WNT11: variants seen among roughly 807,000 people sequenced by gnomAD.
WNT11 encodes Wnt family member 11, also known as protein Wnt-11.
WNT11 carries 20 observed loss-of-function variants against 35.6 expected under a neutral mutation model. The observed-to-expected ratio is 0.56, with a 90% CI of 0.40 to 0.82. The LOEUF (loss-of-function observed/expected upper bound fraction) is 0.82, where lower values mean the gene tolerates loss of function less well. Ranked by LOEUF, WNT11 falls within the 40% of genes least tolerant of loss-of-function variation. The pLI is 0.00. For synonymous variants in WNT11, 200 were observed against 211.9 expected (o/e 0.94, Z 0.49); for missense variants, 459 against 504.4 (o/e 0.91, Z 0.86).
chr11:76,205,223 C>T (rs1173767478), intron 1 of WNT11, among the ~76,000 whole-genome samples: 2 of 152,172 alleles, frequency 1.3e-5, no homozygotes, highest in African/African-American at 2.4e-5. Context: ...TGTTTGCTGG[C>T]GGCGCAGCCA....
chr11:76,193,166 G>A (rs1432879520), intron 3 of WNT11, among the ~76,000 whole-genome samples: 2 of 152,254 alleles, frequency 1.3e-5, no homozygotes, highest in Non-Finnish European at 2.9e-5. Context: ...AGGTTCTGCT[G>A]CTCAGCATAA....
upstream of WNT11, among the ~76,000 whole-genome samples, chr11:76,207,722 G>T (rs1002525109): frequency 2.0e-5 from 3 of 152,216 alleles, no homozygotes; most frequent in African/African-American, 7.2e-5. Context: ...GGGGAAGCTC[G>T]CGGGGCTGGC....
chr11:76,196,521 A>G lies in WNT11; in HGVS notation c.281T>C (p.Ile94Thr), dbSNP rs767132569. The G allele has an allele frequency of 6.8e-6, 11 of 1,613,532 alleles. No individual in the cohort carries two copies. The highest frequency in any genetic ancestry group is 6.7e-5 in the East Asian group (3 of 44,872). ...FADMRWNCSSIELAPNYLLDL... is the reference protein window; with the variant it reads ...FADMRWNCSSTELAPNYLLDL... The stretch of plus-strand genomic sequence containing the variant: ...AAGCAAATAGTTGGGGGCGAGCTCA[A>G]TGGAGGAGCAGTTCCAGCGCATGTC... The change falls in exon 2 of 5, where the codon ATT becomes ACT. Residue 94 changes from isoleucine to threonine, a missense_variant. Coordinates refer to ENST00000322563, the MANE Select transcript of WNT11 (RefSeq NM_004626.3).
intron 4 of WNT11, 80 bp from the exon 5 acceptor site, chr11:76,187,319 C>T: frequency 3.1e-5 from 42 of 1,358,776 alleles, no homozygotes; most frequent in South Asian, 1.2e-4. Context: ...AGCCAGGCAG[C>T]CGGCAGCGTC....
intron 4 of WNT11, among the ~76,000 whole-genome samples, chr11:76,187,908 C>CA (rs1410684756): frequency 6.6e-6 from 1 of 152,208 alleles, no homozygotes; most frequent in Non-Finnish European, 1.5e-5. Flanking sequence ...CGCTCTGTTG[C>CA]CCAGGCTGGA....
chr11:76,193,658 C>T (rs985512362), intron 3 of WNT11, among the ~76,000 whole-genome samples: 6 of 152,228 alleles, frequency 3.9e-5, no homozygotes, highest in Non-Finnish European at 7.3e-5. Context: ...GGTGAGGCCA[C>T]TGAAGCCCCT....
Position 76,193,400 on chromosome 11 carries a change from A to ATGGTGGGCGTGGCCATGG in WNT11, c.597+1149_597+1166dup, listed in dbSNP as rs574083118. On this transcript the variant is annotated intron_variant, in intron 3 of 4. Coordinates refer to ENST00000322563, the MANE Select transcript of WNT11 (RefSeq NM_004626.3). ...GTGGCGCCCAGCTGGCCTGGCCATGATGGTGGGCGTGGCCATGGTGGTGGG... is the reference window on the plus strand; with the variant it reads ...GTGGCGCCCAGCTGGCCTGGCCATGATGGTGGGCGTGGCCATGGTGGTGGGCGTGGCCATGGTGGTGGG... Among the ~76,000 whole-genome samples, 737 of 151,956 alleles carry ATGGTGGGCGTGGCCATGG rather than the reference A, an allele frequency of 4.9e-3. 6 individuals are homozygous for ATGGTGGGCGTGGCCATGG. Among genetic ancestry groups the ATGGTGGGCGTGGCCATGG allele is most frequent in the African/African-American group, 0.017 (692 of 41,404 alleles).
At chr11:76,191,147 T>C (rs534992876) in intron 4 of WNT11, among the ~76,000 whole-genome samples, 3 of 152,216 alleles carry the variant, frequency 2.0e-5, no homozygotes, top group African/African-American at 7.2e-5. Flanking sequence ...CTCAGTCCCT[T>C]TGCTGTGCAA....
chr11:76,209,971 T>C (rs1345146220), upstream of WNT11, among the ~76,000 whole-genome samples: 2 of 141,048 alleles, frequency 1.4e-5, no homozygotes, highest in Admixed American at 1.4e-4. Context: ...CTGGGACCCG[T>C]TCTCAAAGCC....
Position 76,187,117 on chromosome 11 carries a change from T to G in WNT11, c.1013A>C (p.Tyr338Ser). The part of the protein sequence containing the change: ...RCHCKYHWCC[Y>S]VTCRRCERTV... The stretch of plus-strand genomic sequence containing the variant: ...ACGCTCACACCTGCGGCAGGTGACG[T>G]AGCAGCACCAGTGGTACTTACAGTG... Residue 338 changes from tyrosine to serine, a missense_variant, in exon 5 of 5, where the codon TAC becomes TCC. By Grantham distance (144) the Tyr-to-Ser change is moderately radical (BLOSUM62 -2). Coordinates refer to ENST00000322563, the MANE Select transcript of WNT11 (RefSeq NM_004626.3). 2 of 1,612,424 alleles carry G rather than the reference T, an allele frequency of 1.2e-6. No individual in the cohort carries two copies. Among genetic ancestry groups the G allele is most frequent in the Non-Finnish European group, 1.7e-6 (2 of 1,180,008 alleles).
upstream of WNT11, among the ~76,000 whole-genome samples, chr11:76,209,011 G>A (rs1953516323): frequency 6.6e-6 from 1 of 152,194 alleles, no homozygotes; most frequent in South Asian, 2.1e-4. Flanking sequence ...GCTGCCTCCT[G>A]CGTCGCGGGC....
rs1565195560 is a variant in WNT11, at chr11:76,200,474, C to A, written c.84-3756G>T. Among the ~76,000 whole-genome samples the A allele has an allele frequency of 1.3e-5, 2 of 152,348 alleles. 1 individual carries two copies. Among genetic ancestry groups the A allele is most frequent in the Middle Eastern group, 6.8e-3 (2 of 294 alleles). On this transcript the variant is annotated intron_variant, in intron 1 of 4. Transcript: ENST00000322563. Reference sequence around the variant, plus strand: ...CCACCTCCACCCAGCAAACCCTGTCCCTGCGTGCAGTGCCGTCATGGGGTA... The same window carrying A: ...CCACCTCCACCCAGCAAACCCTGTCACTGCGTGCAGTGCCGTCATGGGGTA...
chr11:76,188,903 G>A (rs1183934262), intron 4 of WNT11, among the ~76,000 whole-genome samples: 1 of 152,242 alleles, frequency 6.6e-6, no homozygotes, highest in African/African-American at 2.4e-5. Context: ...GATGGAAGGG[G>A]AGGGCTGGAG....
intron 4 of WNT11, 117 bp from the exon 5 acceptor site, chr11:76,187,356 T>A (rs971725473): frequency 4.4e-5 from 43 of 971,642 alleles, no homozygotes; most frequent in Non-Finnish European, 4.8e-5. Flanking sequence ...TCAGCCCTTC[T>A]TAGAAGCTGT....
At chr11:76,192,989 G>A (rs2134574319) in intron 3 of WNT11, among the ~76,000 whole-genome samples, 1 of 152,344 alleles carries the variant, frequency 6.6e-6, no homozygotes, top group Middle Eastern at 3.4e-3. Flanking sequence ...TAGTGGGGGA[G>A]CTGGCCAAGG....
At position 76,186,333 on chromosome 11, in the gene WNT11, A is replaced by C. The variant is rs1245403435; in HGVS notation, c.*732T>G. 1 of 152,084 alleles carries C rather than the reference A, an allele frequency of 6.6e-6. No individual in the cohort carries two copies. The highest frequency in any genetic ancestry group is 2.4e-5 in the African/African-American group (1 of 41,376). The allele number at this position is 152,084 out of a possible 1,614,324, so 9.4% of individuals were successfully genotyped here. A position where few individuals can be genotyped will look rare whatever the true frequency, so the allele number is the denominator to read the frequency against. ...ATCAATCGGAAGCCGCCTTGCCTGG[A>C]AACTGGAGAGCTCCCTCTGCCAGCC... On this transcript the variant is annotated 3_prime_UTR_variant, in exon 5 of 5. Coordinates refer to ENST00000322563, the MANE Select transcript of WNT11 (RefSeq NM_004626.3).
intron 1 of WNT11, among the ~76,000 whole-genome samples, chr11:76,199,474 TAA>T (rs10622676): frequency 7.0e-6 from 1 of 143,446 alleles, no homozygotes. Flanking sequence ...CTTGTCTACT[TAA>T]AAAAAAAAAA....
intron 1 of WNT11, among the ~76,000 whole-genome samples, chr11:76,204,153 A>G (rs1029206309): frequency 1.1e-4 from 17 of 152,188 alleles, no homozygotes; most frequent in African/African-American, 4.1e-4. Flanking sequence ...ACATAGATAT[A>G]TGCACGTGGC....
chr11:76,196,161 C>T (rs987522679), intron 2 of WNT11, among the ~76,000 whole-genome samples: 3 of 152,214 alleles, frequency 2.0e-5, no homozygotes, highest in Non-Finnish European at 4.4e-5. Context: ...TGTGGCCTCA[C>T]GTACAGCAGG....
Sources: allele counts gnomAD v4.1 joint callset (sites outside exome capture counted in the v4.1 genomes callset), GRCh38; gene constraint gnomAD v4.1.1; transcripts MANE v1.5; gene names NCBI Gene and HGNC (gene_info 2026-07-23, HGNC 2026-07-21).